The following MBOAT2 variants were observed in gnomAD, a reference collection of about 807,000 sequenced individuals.
The protein encoded by MBOAT2 is membrane-bound glycerophospholipid O-acyltransferase 2.
MBOAT2 carries 28 observed loss-of-function variants against 63.4 expected under a neutral mutation model. The observed-to-expected ratio is 0.44, with a 90% CI of 0.33 to 0.61. The LOEUF is 0.61. MBOAT2 is among the 20% of genes least tolerant of loss of function. The pLI is 0.03. For synonymous variants in MBOAT2, 211 were observed against 215.6 expected (o/e 0.98, Z 0.19); for missense variants, 470 against 605.8 (o/e 0.78, Z 2.35).
intron 3 of MBOAT2, among the ~76,000 whole-genome samples, chr2:8,919,593 G>A (rs932012599): frequency 1.5e-4 from 23 of 152,036 alleles, no homozygotes; most frequent in Admixed American, 9.8e-4. Context: ...TTGATTGTAC[G>A]AGTTCTGTAC....
At chr2:8,874,255 G>C (rs1363447733) in intron 7 of MBOAT2, among the ~76,000 whole-genome samples, 1 of 152,158 alleles carries the variant, frequency 6.6e-6, no homozygotes, top group South Asian at 2.1e-4. Flanking sequence ...TTGCTCCTGC[G>C]AGGTGGAACT....
intron 7 of MBOAT2, among the ~76,000 whole-genome samples, chr2:8,874,887 T>C (rs1662592876): frequency 6.6e-6 from 1 of 152,260 alleles, no homozygotes; most frequent in African/African-American, 2.4e-5. Flanking sequence ...GATTAGGTTC[T>C]GGCCAATAGG....
At chr2:8,976,641 G>A (rs1670831127) in intron 1 of MBOAT2, among the ~76,000 whole-genome samples, 1 of 152,244 alleles carries the variant, frequency 6.6e-6, no homozygotes, top group African/African-American at 2.4e-5. Flanking sequence ...GAAGGGGGAT[G>A]AATACCAGAA....
chr2:8,862,501 G>T lies in MBOAT2; in HGVS notation c.1185+89C>A, dbSNP rs1036537091. 36 of 1,474,550 alleles carry T rather than the reference G, an allele frequency of 2.4e-5. No homozygotes were observed. The highest frequency in any genetic ancestry group is 3.2e-5 in the Non-Finnish European group (35 of 1,085,600). The allele number at this position is 1,474,550 out of a possible 1,614,324, so 91.3% of individuals were successfully genotyped here. A position where few individuals can be genotyped will look rare whatever the true frequency, so the allele number is the denominator to read the frequency against. Reference sequence around the variant, plus strand: ...ACAATACTGACCACGACCAAGGAAAGAGGGTCTACCTTGTAAGAGAGATGT... The same window carrying T: ...ACAATACTGACCACGACCAAGGAAATAGGGTCTACCTTGTAAGAGAGATGT... On this transcript the variant is annotated intron_variant, in intron 11 of 12. Coordinates refer to ENST00000305997, the MANE Select transcript of MBOAT2 (RefSeq NM_138799.4). This position sits in a 1 kb window ranked among gnomAD's most constrained non-coding sequence, Gnocchi z 4.3.
At chr2:8,901,710 TC>T (rs1664940242) in intron 4 of MBOAT2, among the ~76,000 whole-genome samples, 1 of 152,058 alleles carries the variant, frequency 6.6e-6, no homozygotes, top group South Asian at 2.1e-4. Flanking sequence ...TTCCAGATAG[TC>T]CCCCCTACGA....
intron 4 of MBOAT2, among the ~76,000 whole-genome samples, chr2:8,891,830 GACA>G (rs750075855): frequency 6.6e-6 from 1 of 152,112 alleles, no homozygotes; most frequent in Non-Finnish European, 1.5e-5. Context: ...CCTTCTATAG[GACA>G]ACATTAGTAT....
chr2:8,901,981 G>T (rs1364745636), intron 4 of MBOAT2, among the ~76,000 whole-genome samples: 1 of 152,238 alleles, frequency 6.6e-6, no homozygotes, highest in Non-Finnish European at 1.5e-5. Context: ...TGGGCGACAT[G>T]ACTTTGAGAG....
chr2:8,875,384 G>A (rs556311683), intron 7 of MBOAT2, among the ~76,000 whole-genome samples: 5 of 152,266 alleles, frequency 3.3e-5, no homozygotes, highest in African/African-American at 1.2e-4. Context: ...GATATTTTAT[G>A]ATAGTAAAAC....
Position 8,908,652 on chromosome 2 carries a change from C to A in MBOAT2, c.364G>T (p.Asp122Tyr). 1 of 1,610,224 alleles carries A rather than the reference C, an allele frequency of 6.2e-7. No homozygotes were observed. The highest frequency in any genetic ancestry group is 2.2e-5 in the East Asian group (1 of 44,756). The part of the protein sequence containing the change: ...VCQVTRVYIF[D>Y]YGQYSADFSG... ...AAATCAGCAGAATATTGTCCATAGT[C>A]AAAGATATAGACTCGAGTAACTTGG... The change falls in exon 4 of 13, where the codon GAC becomes TAC. Residue 122 changes from aspartate to tyrosine, a missense_variant. By Grantham distance (160) the Asp-to-Tyr change is radical. Coordinates refer to ENST00000305997, the MANE Select transcript of MBOAT2 (RefSeq NM_138799.4).
chr2:8,994,909 T>C (rs1044309586), intron 1 of MBOAT2, among the ~76,000 whole-genome samples: 2 of 152,170 alleles, frequency 1.3e-5, no homozygotes, highest in Non-Finnish European at 2.9e-5. Flanking sequence ...AGAAAATGTA[T>C]TGAGGAGCAT....
rs1408616348 is a variant in MBOAT2, at chr2:8,855,631, T to G, written c.*3048A>C. The G allele has an allele frequency of 2.0e-5, 3 of 152,142 alleles. No individual in the cohort carries two copies. The highest frequency in any genetic ancestry group is 4.4e-5 in the Non-Finnish European group (3 of 68,024). The allele number at this position is 152,142 out of a possible 1,614,324, so 9.4% of individuals were successfully genotyped here. On this transcript the variant is annotated 3_prime_UTR_variant, in exon 13 of 13. Coordinates refer to ENST00000305997, the MANE Select transcript of MBOAT2 (RefSeq NM_138799.4). ...CCGGATATTTTAGAAGCTAAATAAA[T>G]TCCCCCAATTACCCTGAGTTCCAAT...
intron 3 of MBOAT2, among the ~76,000 whole-genome samples, chr2:8,938,356 T>C (rs534787497): frequency 5.3e-5 from 8 of 152,022 alleles, no homozygotes; most frequent in African/African-American, 9.6e-5. Context: ...CAAGCTCATA[T>C]GGTTGGGCAC....
chr2:8,900,401 G>A (rs574692259), intron 4 of MBOAT2, among the ~76,000 whole-genome samples: 1 of 152,184 alleles, frequency 6.6e-6, no homozygotes, highest in Non-Finnish European at 1.5e-5. Flanking sequence ...GAGCTCAAAG[G>A]TTTGCCCTAG....
chr2:8,860,572 A>G (rs768631576), intron 12 of MBOAT2, 41 bp downstream of exon 12: 5 of 1,585,586 alleles, frequency 3.2e-6, no homozygotes, highest in Non-Finnish European at 4.3e-6. Flanking sequence ...TTTTGAAAAT[A>G]GAGTTATTCC....
Position 8,899,631 on chromosome 2 carries a change from T to C in MBOAT2, c.395+8990A>G, listed in dbSNP as rs550403952. ...ATGGAGCAGTGCACCTTCCAGTGAT[T>C]GCCACTGCATAGCGGACATGGATGA... On this transcript the variant is annotated intron_variant, in intron 4 of 12. Coordinates refer to ENST00000305997, the MANE Select transcript of MBOAT2 (RefSeq NM_138799.4). 2.0e-5 allele frequency among the ~76,000 whole-genome samples: 3 copies of C among 152,334 alleles called. No homozygotes were observed. The East Asian group carries it at 5.8e-4, about 29-fold the overall frequency.
chr2:8,893,725 T>C (rs887008356), intron 4 of MBOAT2, among the ~76,000 whole-genome samples: 2 of 152,238 alleles, frequency 1.3e-5, no homozygotes, highest in East Asian at 1.9e-4. Flanking sequence ...AGTGAGCTAT[T>C]TGAAGGTCTG....
At chr2:8,940,535 C>T (rs1204064393) in intron 3 of MBOAT2, among the ~76,000 whole-genome samples, 1 of 152,170 alleles carries the variant, frequency 6.6e-6, no homozygotes, top group Non-Finnish European at 1.5e-5. Flanking sequence ...TCAAGTGATC[C>T]ACCTGCCTTG....
At chr2:8,944,945 TATCTTA>T (rs1668309664) in intron 2 of MBOAT2, among the ~76,000 whole-genome samples, 2 of 152,298 alleles carry the variant, frequency 1.3e-5, no homozygotes, top group Admixed American at 6.5e-5. Context: ...TACAGGTACT[TATCTTA>T]AACACGGAAA....
intron 10 of MBOAT2, among the ~76,000 whole-genome samples, chr2:8,863,079 T>A (rs1661602159): frequency 6.6e-6 from 1 of 152,218 alleles, no homozygotes. Context: ...AACTTTCAAC[T>A]GACCTAATAA....
Sources: allele counts gnomAD v4.1 joint callset (sites outside exome capture counted in the v4.1 genomes callset), GRCh38; gene constraint gnomAD v4.1.1; non-coding constraint Gnocchi (gnomAD v3.1); transcripts MANE v1.5; gene names NCBI Gene and HGNC (gene_info 2026-07-23, HGNC 2026-07-21).